The following STK33 variants were observed in gnomAD, a reference collection of about 807,000 sequenced individuals.
STK33 encodes the protein serine/threonine kinase 33, also known as serine/threonine-protein kinase 33.
STK33 carries 52 observed loss-of-function variants against 58.0 expected under a neutral mutation model. That is an observed-to-expected ratio of 0.90 (90% CI 0.72 to 1.13). The LOEUF is 1.13. Among genes scored for constraint, STK33 ranks in the 50% most tolerant of loss-of-function variants. The probability of loss-of-function intolerance (pLI) is 0.00; values close to 1 mark genes in which losing one functional copy is unlikely to be tolerated. For synonymous variants in STK33, 215 were observed against 200.1 expected (o/e 1.07, Z -0.63); for missense variants, 630 against 604.2 (o/e 1.04, Z -0.45).
In STK33 at chr11:8,534,552, CTCTCTCTCTCTCTCTCTGTGTGTG is replaced by C. The variant is rs1450213091; in HGVS notation, c.-465-53962_-465-53939del. Among the ~76,000 whole-genome samples, 3 of 129,908 alleles carry C rather than the reference CTCTCTCTCTCTCTCTCTGTGTGTG, an allele frequency of 2.3e-5. No individual in the cohort carries two copies. In the Admixed American group the frequency reaches 2.4e-4, roughly 10 times the overall value. 85.2% of individuals were successfully genotyped at this position (129,908 alleles called of 152,430 possible). On this transcript the variant is annotated intron_variant, in intron 1 of 15. Coordinates refer to ENST00000687296, the MANE Select transcript of STK33 (RefSeq NM_001352389.2). ...TATATTTCTCTCTCTCTCTCTCTCT[CTCTCTCTCTCTCTCTCTGTGTGTG>C]TGTGTGTGTGTGTGTGTGTGTGTGT...
At chr11:8,544,026 T>A (rs1447991001) in intron 1 of STK33, among the ~76,000 whole-genome samples, 1 of 152,134 alleles carries the variant, frequency 6.6e-6, no homozygotes, top group Non-Finnish European at 1.5e-5. Flanking sequence ...ATTTTTTTAT[T>A]ATACTTTAAG....
intron 1 of STK33, among the ~76,000 whole-genome samples, chr11:8,486,289 T>C (rs1950190278): frequency 6.6e-6 from 1 of 152,210 alleles, no homozygotes; most frequent in Non-Finnish European, 1.5e-5. Context: ...TGGTCTCAGC[T>C]TACTTCTTCA....
chr11:8,442,260 T>C (rs995174199), intron 11 of STK33, among the ~76,000 whole-genome samples: 15 of 152,226 alleles, frequency 9.9e-5, no homozygotes, highest in African/African-American at 4.8e-5. Context: ...CCATTATTTG[T>C]ATTTGTTAAC....
chr11:8,500,208 TAAAC>T (rs971623298), intron 1 of STK33, among the ~76,000 whole-genome samples: 11 of 152,184 alleles, frequency 7.2e-5, no homozygotes, highest in African/African-American at 2.6e-4. Flanking sequence ...ACAGCACAAT[TAAAC>T]AAGAAAGTAA....
chr11:8,477,765 C>A (rs1949420449), intron 2 of STK33, among the ~76,000 whole-genome samples: 1 of 152,166 alleles, frequency 6.6e-6, no homozygotes, highest in South Asian at 2.1e-4. Context: ...TATCATATCA[C>A]TGACATTGTC....
At chr11:8,583,631 T>C (rs554966024) in intron 1 of STK33, among the ~76,000 whole-genome samples, 2 of 152,332 alleles carry the variant, frequency 1.3e-5, no homozygotes, top group South Asian at 2.1e-4. Flanking sequence ...CTAAATTATC[T>C]GAAATAATGA....
the STK33 span, among the ~76,000 whole-genome samples, chr11:8,374,429 G>C: frequency 1.3e-5 from 2 of 152,222 alleles, no homozygotes; most frequent in African/African-American, 4.8e-5. Context: ...CTGGAGGCTG[G>C]AAAGTCTAAG....
chr11:8,413,805 T>C (rs1385760739), intron 14 of STK33, 113 bp from the exon 15 acceptor site: 8 of 941,734 alleles, frequency 8.5e-6, no homozygotes, highest in Non-Finnish European at 1.1e-5. Flanking sequence ...ATGGAAAAGA[T>C]TATAATGCTG....
the STK33 span, among the ~76,000 whole-genome samples, chr11:8,352,641 G>A: frequency 3.8e-3 from 575 of 152,302 alleles, 5 homozygotes; most frequent in African/African-American, 0.013. Context: ...TTGTTTGTGC[G>A]CTTTGAAGAC....
At chr11:8,354,510 A>ACACC in the STK33 span, among the ~76,000 whole-genome samples, 1 of 142,856 alleles carries the variant, frequency 7.0e-6, no homozygotes, top group African/African-American at 2.5e-5. Context: ...ACACACACAC[A>ACACC]CACACACCCC....
intron 11 of STK33, among the ~76,000 whole-genome samples, chr11:8,451,500 A>T (rs144942658): frequency 1.4e-4 from 22 of 152,326 alleles, no homozygotes; most frequent in Middle Eastern, 3.4e-3. Context: ...TACATGTTTT[A>T]TGATTCCATT....
chr11:8,572,070 A>T (rs896919451), intron 1 of STK33, among the ~76,000 whole-genome samples: 1 of 150,182 alleles, frequency 6.7e-6, no homozygotes, highest in Non-Finnish European at 1.5e-5. Flanking sequence ...AAAATTAAAA[A>T]TTAATTTTAA....
intron 1 of STK33, among the ~76,000 whole-genome samples, chr11:8,523,510 TCCG>T (rs1421650404): frequency 1.0e-4 from 15 of 146,782 alleles, no homozygotes; most frequent in African/African-American, 3.8e-4. Context: ...GAGGAGCCCC[TCCG>T]CTGGGCAGCC....
At chr11:8,573,828 C>T (rs1180712909) in intron 1 of STK33, among the ~76,000 whole-genome samples, 1 of 152,164 alleles carries the variant, frequency 6.6e-6, no homozygotes, top group Non-Finnish European at 1.5e-5. Flanking sequence ...CAAAAGGTTA[C>T]ATACTGTATG....
chr11:8,336,869 C>T, the STK33 span, among the ~76,000 whole-genome samples: 1 of 152,228 alleles, frequency 6.6e-6, no homozygotes, highest in African/African-American at 2.4e-5. Context: ...GGCCAGGCTG[C>T]CTCTTGCCCA....
chr11:8,430,866 ATT>A (rs11423343), intron 14 of STK33, among the ~76,000 whole-genome samples: 8,171 of 133,734 alleles, frequency 0.061, 353 homozygotes, highest in East Asian at 0.27. Flanking sequence ...CCTTAACATA[ATT>A]TTTTTTTTTT....
intron 1 of STK33, among the ~76,000 whole-genome samples, chr11:8,584,961 C>A (rs2031231562): frequency 6.7e-6 from 1 of 149,566 alleles, no homozygotes; most frequent in East Asian, 1.9e-4. Context: ...GTATCACTGT[C>A]CCCCAGGCTG....
intron 1 of STK33, among the ~76,000 whole-genome samples, chr11:8,492,958 G>A (rs1443527324): frequency 6.6e-6 from 1 of 152,122 alleles, no homozygotes; most frequent in Non-Finnish European, 1.5e-5. Context: ...GTGTATAGAG[G>A]GAAACTTATA....
At chr11:8,339,033 G>T in the STK33 span, among the ~76,000 whole-genome samples, 5 of 152,144 alleles carry the variant, frequency 3.3e-5, no homozygotes, top group Non-Finnish European at 7.3e-5. Context: ...AAATCCCCAT[G>T]CATCGGCTTG....
Sources: allele counts gnomAD v4.1 joint callset (sites outside exome capture counted in the v4.1 genomes callset), GRCh38; gene constraint gnomAD v4.1.1; transcripts MANE v1.5; gene names NCBI Gene and HGNC (gene_info 2026-07-23, HGNC 2026-07-21).